GNAQ: variants seen among roughly 807,000 people sequenced by gnomAD.
The protein encoded by GNAQ is guanine nucleotide-binding protein G(q) subunit alpha.
Under a neutral mutation model 43.9 loss-of-function variants are expected in GNAQ, and 8 were observed. That is an observed-to-expected ratio of 0.18 (90% CI 0.11 to 0.33). The LOEUF (loss-of-function observed/expected upper bound fraction) is 0.33. Among genes scored for constraint, GNAQ ranks in the 10% least tolerant of loss-of-function variants. The probability of loss-of-function intolerance (pLI) is 1.00; values close to 1 mark genes in which losing one functional copy is unlikely to be tolerated. For missense variants in GNAQ, 158 were observed against 450.8 expected (o/e 0.35, Z 5.88); for synonymous variants, 155 against 170.7 (o/e 0.91, Z 0.71).
intron 2 of GNAQ, among the ~76,000 whole-genome samples, chr9:77,853,259 C>A (rs1366390625): frequency 6.6e-6 from 1 of 152,052 alleles, no homozygotes; most frequent in Non-Finnish European, 1.5e-5. Flanking sequence ...TACTATGTGG[C>A]TCTTTGGGCA....
chr9:78,022,802 G>A (rs151292000), intron 1 of GNAQ, among the ~76,000 whole-genome samples: 3 of 152,306 alleles, frequency 2.0e-5, no homozygotes, highest in African/African-American at 7.2e-5. Context: ...TCTGCAAAGC[G>A]CAGGTCCTAA....
chr9:77,861,539 C>A (rs1393565373), intron 2 of GNAQ, among the ~76,000 whole-genome samples: 3 of 152,172 alleles, frequency 2.0e-5, no homozygotes, highest in Non-Finnish European at 4.4e-5. Flanking sequence ...TTCCTAGATA[C>A]AATGCGGGTA....
At chr9:77,792,081 A>G (rs568955702) in intron 5 of GNAQ, among the ~76,000 whole-genome samples, 1 of 152,090 alleles carries the variant, frequency 6.6e-6, no homozygotes, top group Non-Finnish European at 1.5e-5. Flanking sequence ...TTTTTTTGAC[A>G]GTACTTCCTA....
intron 2 of GNAQ, among the ~76,000 whole-genome samples, chr9:77,843,868 G>A (rs1827531234): frequency 6.6e-6 from 1 of 152,098 alleles, no homozygotes; most frequent in East Asian, 1.9e-4. Context: ...CCATCTCAAG[G>A]ACCTTAATTG....
chr9:77,925,037 C>A (rs1236957168), intron 1 of GNAQ, among the ~76,000 whole-genome samples: 2 of 152,042 alleles, frequency 1.3e-5, no homozygotes, highest in African/African-American at 4.8e-5. Context: ...TTCAAAAGGT[C>A]CCAGCTCCTG....
At chr9:78,021,254 G>C (rs1212130266) in intron 1 of GNAQ, among the ~76,000 whole-genome samples, 1 of 151,850 alleles carries the variant, frequency 6.6e-6, no homozygotes, top group Non-Finnish European at 1.5e-5. Context: ...TCGAACTCTT[G>C]GGCTCAAGCA....
intron 5 of GNAQ, among the ~76,000 whole-genome samples, chr9:77,753,687 T>G (rs570909439): frequency 6.6e-6 from 1 of 152,306 alleles, no homozygotes; most frequent in Non-Finnish European, 1.5e-5. Context: ...CATTCCTCCG[T>G]TTTCCCTAGA....
intron 1 of GNAQ, among the ~76,000 whole-genome samples, chr9:78,019,586 C>T (rs1823880341): frequency 6.6e-6 from 1 of 152,200 alleles, no homozygotes; most frequent in African/African-American, 2.4e-5. Flanking sequence ...TTAACCAAAA[C>T]ATATGCAGCT....
intron 2 of GNAQ, among the ~76,000 whole-genome samples, 158 bp from the exon 3 acceptor site, chr9:77,815,928 C>G (rs556225583): frequency 6.6e-6 from 1 of 151,914 alleles, no homozygotes; most frequent in Admixed American, 6.5e-5. Flanking sequence ...TTTTGTTTTT[C>G]TTAGAGAGAA....
chr9:77,996,135 G>A (rs1823564588), intron 1 of GNAQ, among the ~76,000 whole-genome samples: 1 of 152,216 alleles, frequency 6.6e-6, no homozygotes. Flanking sequence ...CTGCAGAACT[G>A]CCAATGGTCA....
chr9:77,871,720 CAA>C (rs1828040965), intron 2 of GNAQ, among the ~76,000 whole-genome samples: 1 of 152,130 alleles, frequency 6.6e-6, no homozygotes, highest in African/African-American at 2.4e-5. Context: ...GTCAGTTGCT[CAA>C]AGTGTACTAT....
In GNAQ at chr9:77,833,118, C is replaced by A. The variant is rs578106783; in HGVS notation, c.322-17348G>T. 1.3e-4 allele frequency among the ~76,000 whole-genome samples: 20 copies of A among 152,220 alleles called. No homozygotes were observed. In the East Asian group the frequency reaches 3.7e-3, roughly 28 times the overall value. On this transcript the variant is annotated intron_variant, in intron 2 of 6. Coordinates refer to ENST00000286548, the MANE Select transcript of GNAQ (RefSeq NM_002072.5). ...AGTAGTTGGGACTACAGGCATGCACCACCACACCTGGCTAATTTTTGTATT... is the reference window on the plus strand; with the variant it reads ...AGTAGTTGGGACTACAGGCATGCACAACCACACCTGGCTAATTTTTGTATT...
chr9:78,022,975 G>C (rs1454596725), intron 1 of GNAQ, among the ~76,000 whole-genome samples: 1 of 152,214 alleles, frequency 6.6e-6, no homozygotes, highest in Non-Finnish European at 1.5e-5. Flanking sequence ...GCAAGTCACT[G>C]AGAAGAGGGT....
intron 1 of GNAQ, among the ~76,000 whole-genome samples, chr9:77,964,935 A>G (rs1823148059): frequency 6.6e-6 from 1 of 152,106 alleles, no homozygotes; most frequent in African/African-American, 2.4e-5. Context: ...ATTACAATTC[A>G]CTGTACAACC....
intron 1 of GNAQ, among the ~76,000 whole-genome samples, chr9:77,968,716 G>GT (rs2118448568): frequency 6.6e-6 from 1 of 152,212 alleles, no homozygotes; most frequent in Non-Finnish European, 1.5e-5. Context: ...ATTAATTTTC[G>GT]TAAGTGTACC....
chr9:77,907,404 A>G (rs1428222903), intron 2 of GNAQ, among the ~76,000 whole-genome samples: 1 of 152,202 alleles, frequency 6.6e-6, no homozygotes, highest in Non-Finnish European at 1.5e-5. Flanking sequence ...GGAAAGAAAG[A>G]AAGAATATAT....
chr9:77,968,214 T>A (rs1419993995), intron 1 of GNAQ, among the ~76,000 whole-genome samples: 5 of 152,216 alleles, frequency 3.3e-5, no homozygotes, highest in Non-Finnish European at 5.9e-5. Flanking sequence ...GTCAAATTTT[T>A]TTTTAAAGAT....
intron 5 of GNAQ, among the ~76,000 whole-genome samples, chr9:77,761,320 G>A (rs1166612007): frequency 8.5e-6 from 1 of 117,890 alleles, no homozygotes; most frequent in South Asian, 2.8e-4. Context: ...CCGGGAGGGA[G>A]GTGGGGGGTC....
intron 2 of GNAQ, among the ~76,000 whole-genome samples, chr9:77,911,169 G>T (rs1469645661): frequency 6.6e-6 from 1 of 152,206 alleles, no homozygotes; most frequent in Non-Finnish European, 1.5e-5. Context: ...GACAAGCTGA[G>T]CTAGGTTACT....
Sources: gnomAD v4.1 joint callset for allele counts (sites outside exome capture counted in the v4.1 genomes callset) on GRCh38, gnomAD v4.1.1 for gene constraint, MANE v1.5 for transcripts, NCBI Gene and HGNC (gene_info 2026-07-23, HGNC 2026-07-21) for gene names.